LRP5: variants seen among roughly 807,000 people sequenced by gnomAD.
LRP5 encodes the protein LDL receptor related protein 5.
Under a neutral mutation model 154.1 loss-of-function variants are expected in LRP5, and 62 were observed. That is an observed-to-expected ratio of 0.40 (90% CI 0.33 to 0.50). LRP5 has a LOEUF of 0.50. Ranked by LOEUF, LRP5 falls within the 20% of genes least tolerant of loss-of-function variation. The pLI, the probability that LRP5 is intolerant of heterozygous loss-of-function variation, is 0.55. For missense variants in LRP5, 1,915 were observed against 2,336.7 expected (o/e 0.82, Z 3.72); for synonymous variants, 966 against 1,011.5 (o/e 0.96, Z 0.85).
chr11:68,413,754 T>C lies in LRP5; in HGVS notation c.2569T>C (p.Tyr857His). ...HPFGLTQYSD[Y>H]IYWTDWNLHS... ...GTTCGGTCTGACGCAGTACAGCGAT[T>C]ATATCTACTGGACAGACTGGAATCT... Residue 857 changes from tyrosine (Y) to histidine (H), a missense_variant, in exon 12 of 23, where the codon TAT (tyrosine) becomes CAT (histidine). By Grantham distance (83) the Tyr-to-His change is moderately conservative. This residue lies in a region of LRP5 where 1,094 missense variants were observed against 1,210.1 expected (regional missense o/e 0.90). Transcript: ENST00000294304. The surrounding 1 kb of genome is among the most constrained non-coding windows in gnomAD (Gnocchi z 5.1). 3 of 1,613,686 alleles carry C rather than the reference T, an allele frequency of 1.9e-6. No homozygotes were observed. The highest frequency in any genetic ancestry group is 1.1e-5 in the South Asian group (1 of 91,074).
At chr11:68,403,418 G>A in intron 7 of LRP5, 65 bp from the exon 8 acceptor site, 1 of 1,461,762 alleles carries the variant, frequency 6.8e-7, no homozygotes, top group Non-Finnish European at 9.5e-7. Flanking sequence ...CCCAGGCAGG[G>A]TCCGGGTTGG....
chr11:68,391,496 C>T (rs773883204), intron 7 of LRP5, among the ~76,000 whole-genome samples: 16 of 152,220 alleles, frequency 1.1e-4, no homozygotes, highest in Non-Finnish European at 4.4e-5. Context: ...AGGCCCGAAT[C>T]AGGCAGCTTG....
intron 7 of LRP5, 69 bp from the exon 8 acceptor site, chr11:68,403,414 C>G: frequency 7.1e-7 from 1 of 1,413,110 alleles, no homozygotes; most frequent in Non-Finnish European, 1.0e-6. Context: ...AGGCCCCAGG[C>G]AGGGTCCGGG....
chr11:68,314,155 A>G (rs887445448), intron 1 of LRP5, among the ~76,000 whole-genome samples: 5 of 152,188 alleles, frequency 3.3e-5, no homozygotes, highest in Non-Finnish European at 7.3e-5. Context: ...TGCCTGGGTC[A>G]AGGAGGCAAA....
At chr11:68,303,773 G>T in the LRP5 span, among the ~76,000 whole-genome samples, 1 of 152,230 alleles carries the variant, frequency 6.6e-6, no homozygotes, top group African/African-American at 2.4e-5. Context: ...GATTACAGGT[G>T]TGAGCCACCA....
chr11:68,421,392 C>T (rs886200585), intron 13 of LRP5, among the ~76,000 whole-genome samples: 6 of 152,188 alleles, frequency 3.9e-5, no homozygotes, highest in Non-Finnish European at 7.3e-5. Flanking sequence ...GGTGGTTCTC[C>T]AGACTGCTGT....
At chr11:68,440,021 A>C (rs2098677337) in intron 21 of LRP5, 105 bp downstream of exon 21, 2 of 1,020,316 alleles carry the variant, frequency 2.0e-6, no homozygotes, top group Non-Finnish European at 2.8e-6. Context: ...GGGCTGTGCC[A>C]CCGCCTCTGA....
intron 18 of LRP5, among the ~76,000 whole-genome samples, chr11:68,434,422 C>T (rs1347848582): frequency 1.3e-5 from 2 of 152,140 alleles, no homozygotes; most frequent in Non-Finnish European, 2.9e-5. Flanking sequence ...CTCTGTCACC[C>T]AGGCTGGAGT....
At position 68,365,691 on chromosome 11, in the gene LRP5, C is replaced by CGTGTAAGGCAGGTGA; in HGVS notation, c.1006_1015+5dup. ...GTGCAGCTGCAGGACAACGGCAGGA[C>CGTGTAAGGCAGGTGA]GTGTAAGGCAGGTGAGGCGGTGGGA... On this transcript the variant is annotated inframe_insertion, in exon 5 of 23. Coordinates refer to ENST00000294304, the MANE Select transcript of LRP5 (RefSeq NM_002335.4). The CGTGTAAGGCAGGTGA allele has an allele frequency of 1.5e-6, 2 of 1,299,106 alleles. No homozygotes were observed. Among genetic ancestry groups the CGTGTAAGGCAGGTGA allele is most frequent in the Admixed American group, 4.5e-5 (2 of 44,486 alleles). The allele number at this position is 1,299,106 out of a possible 1,614,324, so 80.5% of individuals were successfully genotyped here.
At chr11:68,437,129 C>T in intron 19 of LRP5, 130 bp downstream of exon 19, 1 of 755,882 alleles carries the variant, frequency 1.3e-6, no homozygotes, top group East Asian at 2.7e-5. Flanking sequence ...GGCTGGGAGG[C>T]TCCTTGCGGG....
At chr11:68,417,329 G>A (rs747371161) in intron 13 of LRP5, among the ~76,000 whole-genome samples, 25 of 152,112 alleles carry the variant, frequency 1.6e-4, no homozygotes, top group Admixed American at 1.0e-3. Flanking sequence ...GCAGTTCCCT[G>A]CCGGCTGTAG....
chr11:68,306,097 T>C, the LRP5 span, among the ~76,000 whole-genome samples: 4 of 152,184 alleles, frequency 2.6e-5, no homozygotes, highest in Admixed American at 2.6e-4. Context: ...CATGGCCTTT[T>C]TTCCTTCACT....
intron 13 of LRP5, among the ~76,000 whole-genome samples, chr11:68,422,350 G>A (rs1231315428): frequency 6.8e-6 from 1 of 147,740 alleles, no homozygotes; most frequent in Non-Finnish European, 1.5e-5. Flanking sequence ...GGAGAGGGAG[G>A]GGAGCTTTTC....
intron 17 of LRP5, among the ~76,000 whole-genome samples, chr11:68,432,525 G>A (rs553287285): frequency 6.6e-6 from 1 of 152,238 alleles, no homozygotes; most frequent in Non-Finnish European, 1.5e-5. Flanking sequence ...GAGCCCAGTA[G>A]TCATGGGGAA....
chr11:68,406,881 A>G (rs1171337244), intron 9 of LRP5, 68 bp downstream of exon 9: 16 of 1,497,240 alleles, frequency 1.1e-5, no homozygotes, highest in Middle Eastern at 2.0e-4. Context: ...TCCTGCCTCA[A>G]AGGCTTCAGA....
intron 7 of LRP5, among the ~76,000 whole-genome samples, chr11:68,392,842 C>A (rs548044063): frequency 1.3e-5 from 2 of 152,290 alleles, no homozygotes; most frequent in Admixed American, 1.3e-4. Flanking sequence ...GAACCTCATT[C>A]CTGACTGGGT....
At position 68,409,896 on chromosome 11, in the gene LRP5, C is replaced by T; in HGVS notation, c.2092-18C>T. On this transcript the variant is annotated intron_variant, in intron 9 of 22. Transcript: ENST00000294304. ...TGGTTCCTAAAATGTGGCCCTTTTCCTCCTCACCTGCTGCCAGACCATCAG... is the reference window on the plus strand; with the variant it reads ...TGGTTCCTAAAATGTGGCCCTTTTCTTCCTCACCTGCTGCCAGACCATCAG... 5 of 1,595,200 alleles carry T rather than the reference C, an allele frequency of 3.1e-6. No homozygotes were observed. The highest frequency in any genetic ancestry group is 4.3e-6 in the Non-Finnish European group (5 of 1,163,184).
chr11:68,312,075 G>A (rs2098588280), upstream of LRP5, among the ~76,000 whole-genome samples: 1 of 152,240 alleles, frequency 6.6e-6, no homozygotes, highest in African/African-American at 2.4e-5. Context: ...CAGTCTTCGT[G>A]TCTCATAATT....
At position 68,348,161 on chromosome 11, in the gene LRP5, A is replaced by G. The variant is rs753400613; in HGVS notation, c.406A>G (p.Asn136Asp). ...DSETNRIEVA[N>D]LNGTSRKVLF... ...AGAGACCAACCGCATCGAGGTGGCC[A>G]ACCTCAATGGCACATCCCGGAAGGT... Residue 136 changes from asparagine to aspartate, a missense_variant, in exon 2 of 23, where the codon AAC (asparagine) becomes GAC (aspartate). Physicochemically the swap from Asn to Asp is conservative, Grantham distance 23. This residue lies in a region of LRP5 where 773 missense variants were observed against 1,100.9 expected (regional missense o/e 0.70). Transcript: ENST00000294304. 1.9e-6 allele frequency: 3 copies of G among 1,613,932 alleles called. No individual in the cohort carries two copies. The South Asian group carries it at 3.3e-5, about 18-fold the overall frequency.
Sources: gnomAD v4.1 joint callset for allele counts (sites outside exome capture counted in the v4.1 genomes callset) on GRCh38, gnomAD v4.1.1 for gene constraint, gnomAD v4.1.1 regional missense constraint, Gnocchi (gnomAD v3.1) non-coding constraint, MANE v1.5 for transcripts, NCBI Gene and HGNC (gene_info 2026-07-23, HGNC 2026-07-21) for gene names.